SBF2: variants seen among roughly 807,000 people sequenced by gnomAD.
SBF2 encodes the protein SET binding factor 2.
In SBF2, 112 loss-of-function variants were observed where a neutral mutation model predicts 225.2. The observed-to-expected ratio is 0.50, with a 90% confidence interval of 0.43 to 0.58. The LOEUF (loss-of-function observed/expected upper bound fraction) is 0.58. SBF2 is among the 20% of genes least tolerant of loss of function. The probability of loss-of-function intolerance (pLI) is 0.00; values close to 1 mark genes in which losing one functional copy is unlikely to be tolerated. For synonymous variants in SBF2, 763 were observed against 773.3 expected (o/e 0.99, Z 0.22); for missense variants, 1,996 against 2,206.2 (o/e 0.90, Z 1.91).
chr11:10,064,216 A>G (rs1404538718), intron 2 of SBF2, among the ~76,000 whole-genome samples: 1 of 152,060 alleles, frequency 6.6e-6, no homozygotes, highest in Non-Finnish European at 1.5e-5. Context: ...ATGAAAGAGT[A>G]CTCTTGCTGT....
rs1186680142 is a variant in SBF2, at chr11:10,236,470, G to GT, written c.56-42484dup. On this transcript the variant is annotated intron_variant, in intron 1 of 39. Coordinates refer to ENST00000256190, the MANE Select transcript of SBF2 (RefSeq NM_030962.4). ...AGAGCGAGTCCGTCTCTTTTTTTTTGTTTTTTTGAGACGGAGTCTCACTCT... is the reference window on the plus strand; with the variant it reads ...AGAGCGAGTCCGTCTCTTTTTTTTTGTTTTTTTTGAGACGGAGTCTCACTCT... Among the ~76,000 whole-genome samples the GT allele has an allele frequency of 6.0e-5, 9 of 151,208 alleles. No individual in the cohort carries two copies. In the South Asian group the frequency reaches 6.3e-4, roughly 11 times the overall value.
rs73414148 is a variant in SBF2, at chr11:9,806,827, A to G, written c.4443+1173T>C. ...AAATGCTCTAAAATTGATTGTGGTA[A>G]TTGTTACAAAACTTTGTGAATGGAT... On this transcript the variant is annotated intron_variant, in intron 32 of 39. Coordinates refer to ENST00000256190, the MANE Select transcript of SBF2 (RefSeq NM_030962.4). Among the ~76,000 whole-genome samples, 145 of 152,288 alleles carry G rather than the reference A, an allele frequency of 9.5e-4. 2 individuals carry two copies. Among genetic ancestry groups the G allele is most frequent in the African/African-American group, 3.3e-3 (138 of 41,556 alleles).
At chr11:10,154,871 T>G (rs1030181467) in intron 2 of SBF2, among the ~76,000 whole-genome samples, 72 of 152,290 alleles carry the variant, frequency 4.7e-4, no homozygotes, top group African/African-American at 1.7e-3. Flanking sequence ...CAGTGACAGC[T>G]GATCTATTTC....
chr11:10,205,747 G>A (rs1363132731), intron 1 of SBF2, among the ~76,000 whole-genome samples: 5 of 152,050 alleles, frequency 3.3e-5, no homozygotes, highest in African/African-American at 7.2e-5. Context: ...TACCATGTGA[G>A]TAGGCATCAC....
chr11:9,807,086 T>C (rs1254975943), intron 32 of SBF2, among the ~76,000 whole-genome samples: 1 of 152,218 alleles, frequency 6.6e-6, no homozygotes, highest in East Asian at 1.9e-4. Flanking sequence ...GGCCAGTGTG[T>C]TTCAAAGAGG....
chr11:9,960,668 T>TAA (rs398115045), intron 16 of SBF2: 42 of 151,884 alleles, frequency 2.8e-4, no homozygotes, highest in East Asian at 5.8e-4. Flanking sequence ...ATAATAATAA[T>TAA]TATTATTATT....
intron 16 of SBF2, among the ~76,000 whole-genome samples, chr11:9,902,405 C>A (rs1222146951): frequency 6.6e-6 from 1 of 152,188 alleles, no homozygotes; most frequent in South Asian, 2.1e-4. Flanking sequence ...TAAGCCACCA[C>A]CCCACAAGAT....
intron 2 of SBF2, among the ~76,000 whole-genome samples, chr11:10,071,410 GCGCCCGCAACCA>G (rs1356201554): frequency 1.4e-4 from 21 of 152,022 alleles, no homozygotes; most frequent in African/African-American, 4.8e-4. Flanking sequence ...GGGACTACAA[GCGCCCGCAACCA>G]CGCCTGGCTA....
chr11:10,143,818 C>T (rs1171889517), intron 2 of SBF2, among the ~76,000 whole-genome samples: 2 of 152,034 alleles, frequency 1.3e-5, no homozygotes, highest in Admixed American at 6.5e-5. Flanking sequence ...CCCAGGTTCA[C>T]GCCATTCTCC....
chr11:10,080,206 C>T (rs1177065563), intron 2 of SBF2, among the ~76,000 whole-genome samples: 2 of 145,696 alleles, frequency 1.4e-5, no homozygotes, highest in Admixed American at 7.1e-5. Flanking sequence ...CGAGGTCACA[C>T]CACTGCACTC....
At chr11:10,031,761 G>T (rs539265685) in intron 3 of SBF2, among the ~76,000 whole-genome samples, 28 of 152,156 alleles carry the variant, frequency 1.8e-4, no homozygotes, top group African/African-American at 6.3e-4. Flanking sequence ...TTCCGTTTTT[G>T]AAACAAGGTC....
At chr11:10,000,179 A>T (rs1947899213) in intron 8 of SBF2, among the ~76,000 whole-genome samples, 1 of 152,250 alleles carries the variant, frequency 6.6e-6, no homozygotes, top group Non-Finnish European at 1.5e-5. Context: ...ATTTTATTTC[A>T]GCCTTTTAGA....
intron 3 of SBF2, among the ~76,000 whole-genome samples, chr11:10,035,655 T>G (rs891767489): frequency 6.6e-6 from 1 of 151,894 alleles, no homozygotes; most frequent in African/African-American, 2.4e-5. Flanking sequence ...CCAAAAGACA[T>G]GAAAAAAATG....
At chr11:9,932,288 A>G (rs1350215752) in intron 16 of SBF2, among the ~76,000 whole-genome samples, 1 of 152,172 alleles carries the variant, frequency 6.6e-6, no homozygotes, top group African/African-American at 2.4e-5. Context: ...GAACACCACA[A>G]AGATACTCCT....
At chr11:9,810,852 C>T (rs1377338449) in intron 30 of SBF2, 4 of 152,200 alleles carry the variant, frequency 2.6e-5, no homozygotes, top group African/African-American at 9.7e-5. Flanking sequence ...CTAGCAATCC[C>T]ATTACTGAGT....
chr11:9,926,246 G>A (rs1324553775), intron 16 of SBF2, among the ~76,000 whole-genome samples: 1 of 151,898 alleles, frequency 6.6e-6, no homozygotes, highest in Non-Finnish European at 1.5e-5. Context: ...TGATTTTCCT[G>A]TAGCTGTTAG....
At chr11:10,161,953 C>T (rs1955761418) in intron 2 of SBF2, among the ~76,000 whole-genome samples, 1 of 152,172 alleles carries the variant, frequency 6.6e-6, no homozygotes, top group African/African-American at 2.4e-5. Flanking sequence ...CCACTACATT[C>T]TTGGCTGGGC....
intron 1 of SBF2, among the ~76,000 whole-genome samples, chr11:10,236,742 G>A (rs1334758308): frequency 5.3e-5 from 8 of 152,138 alleles, no homozygotes; most frequent in Non-Finnish European, 8.8e-5. Flanking sequence ...GATTACAGGC[G>A]TGAGTCACCA....
chr11:9,963,145 T>C (rs1866685059), intron 15 of SBF2, among the ~76,000 whole-genome samples: 1 of 152,166 alleles, frequency 6.6e-6, no homozygotes, highest in African/African-American at 2.4e-5. Context: ...AACTAGATTC[T>C]TTGCAATACA....
Sources: allele counts gnomAD v4.1 joint callset (sites outside exome capture counted in the v4.1 genomes callset), GRCh38; gene constraint gnomAD v4.1.1; transcripts MANE v1.5; gene names NCBI Gene and HGNC (gene_info 2026-07-23, HGNC 2026-07-21).